Variants in SPR observed in about 807,000 individuals in gnomAD.
SPR encodes Sepiapterin reductase (L-erythro-7,8-dihydrobiopterin forming).
In SPR, 12 loss-of-function variants were observed where a neutral mutation model predicts 16.0. The observed-to-expected ratio is 0.75, with a 90% CI of 0.48 to 1.22. SPR has a LOEUF of 1.22. SPR is among the 50% of genes most tolerant of loss of function. The probability of loss-of-function intolerance (pLI) is 0.00; values close to 1 mark genes in which losing one functional copy is unlikely to be tolerated. For missense variants in SPR, 324 were observed against 344.4 expected (o/e 0.94, Z 0.47); for synonymous variants, 177 against 168.5 (o/e 1.05, Z -0.39).
At chr2:72,888,796 A>G (rs1356192278) in intron 2 of SPR, among the ~76,000 whole-genome samples, 192 bp downstream of exon 2, 1 of 152,196 alleles carries the variant, frequency 6.6e-6, no homozygotes, top group Non-Finnish European at 1.5e-5. Flanking sequence ...GGATACTGGT[A>G]GAGAGTGAGG....
rs1243583893 is a variant in SPR at position 72,888,555 on chromosome 2, G to A, written c.546G>A (p.Gln182=). 1 of 1,597,696 alleles carries A rather than the reference G, an allele frequency of 6.3e-7. No homozygotes were observed. The highest frequency in any genetic ancestry group is 8.5e-7 in the Non-Finnish European group (1 of 1,170,450). The change falls in exon 2 of 3, where the codon CAG becomes CAA. Residue 182 remains glutamine, a synonymous_variant. Transcript: ENST00000234454. ...AGGCTGCTCGTGATATGCTGTTCCAGGTCCTGGCGCTGGAGGAACCTAATG... is the reference window on the plus strand; with the variant it reads ...AGGCTGCTCGTGATATGCTGTTCCAAGTCCTGGCGCTGGAGGAACCTAATG... ...AGKAARDMLF[Q]VLALEEPNVR...
Position 72,887,671 on chromosome 2 carries a change from T to A in SPR, c.239T>A (p.Leu80His). 1 of 1,496,314 alleles carries A rather than the reference T, an allele frequency of 6.7e-7. No homozygotes were observed. Among genetic ancestry groups the A allele is most frequent in the Non-Finnish European group, 8.9e-7 (1 of 1,129,764 alleles). The allele number at this position is 1,496,314 out of a possible 1,614,324, so 92.7% of individuals were successfully genotyped here. A position where few individuals can be genotyped will look rare whatever the true frequency, so the allele number is the denominator to read the frequency against. The change falls in exon 1 of 3, where the codon CTC becomes CAC. Residue 80 changes from leucine to histidine, a missense_variant. Coordinates refer to ENST00000234454, the MANE Select transcript of SPR (RefSeq NM_003124.5). ...LGAEAGLQQL[L>H]GALRELPRPK... ...GCCGAGGCCGGCTTGCAGCAGCTGCTCGGCGCCCTGCGCGAGCTCCCCCGG... is the reference window on the plus strand; with the variant it reads ...GCCGAGGCCGGCTTGCAGCAGCTGCACGGCGCCCTGCGCGAGCTCCCCCGG...
In SPR at chr2:72,892,096, G is replaced by A; in HGVS notation, c.*559G>A. The A allele has an allele frequency of 6.0e-6, 1 of 167,796 alleles. No individual in the cohort carries two copies. The highest frequency in any genetic ancestry group is 1.3e-5 in the Non-Finnish European group (1 of 76,000). 10.4% of individuals were successfully genotyped at this position (167,796 alleles called of 1,614,324 possible). ...CACCCCTCCCCCAGGCTGGGAGAAGGGGCTCCTGGGTGTCTGTATACACGC... is the reference window on the plus strand; with the variant it reads ...CACCCCTCCCCCAGGCTGGGAGAAGAGGCTCCTGGGTGTCTGTATACACGC... On this transcript the variant is annotated 3_prime_UTR_variant, in exon 3 of 3. Transcript: ENST00000234454.
chr2:72,889,452 C>T (rs560232970), intron 2 of SPR, among the ~76,000 whole-genome samples: 4 of 152,256 alleles, frequency 2.6e-5, no homozygotes, highest in South Asian at 4.1e-4. Context: ...GGGTCAGGCT[C>T]CCAGGGCAGA....
chr2:72,891,776 G>C lies in SPR; in HGVS notation c.*239G>C, dbSNP rs1670625717. On this transcript the variant is annotated 3_prime_UTR_variant, in exon 3 of 3. Transcript: ENST00000234454. ...AAGGAGGCTTAGGAGAGAGGTTATG[G>C]GTATTGGTGTCTCTATCCCCAGGAA... is the stretch of plus-strand genomic sequence containing the variant. The C allele has an allele frequency of 1.7e-6, 1 of 574,874 alleles. No homozygotes were observed. Among genetic ancestry groups the C allele is most frequent in the African/African-American group, 1.9e-5 (1 of 53,542 alleles). The allele number at this position is 574,874 out of a possible 1,614,324, so 35.6% of individuals were successfully genotyped here. A position where few individuals can be genotyped will look rare whatever the true frequency, so the allele number is the denominator to read the frequency against.
Position 72,888,635 on chromosome 2 carries a change from C to T in SPR, c.595+31C>T, listed in dbSNP as rs1344619394. 7 of 1,569,758 alleles carry T rather than the reference C, an allele frequency of 4.5e-6. No individual in the cohort carries two copies. In the Admixed American group the frequency reaches 5.4e-5, roughly 12 times the overall value. On this transcript the variant is annotated intron_variant, in intron 2 of 2. Coordinates refer to ENST00000234454, the MANE Select transcript of SPR (RefSeq NM_003124.5). Reference sequence around the variant, plus strand: ...TGGGAAGTCCTGCCGTCCCTGTCCTCCAGAACCCACTGGTGCGCCTCTGGG... The same window carrying T: ...TGGGAAGTCCTGCCGTCCCTGTCCTTCAGAACCCACTGGTGCGCCTCTGGG...
At chr2:72,889,508 C>A (rs2105241847) in intron 2 of SPR, among the ~76,000 whole-genome samples, 1 of 152,270 alleles carries the variant, frequency 6.6e-6, no homozygotes, top group South Asian at 2.1e-4. Context: ...AGGGCTGGAT[C>A]CCACCTTGCT....
At chr2:72,889,680 C>T (rs1670591514) in intron 2 of SPR, among the ~76,000 whole-genome samples, 1 of 152,162 alleles carries the variant, frequency 6.6e-6, no homozygotes, top group South Asian at 2.1e-4. Context: ...AAGCTACAAC[C>T]AGGAGCAGAG....
intron 1 of SPR, 95 bp downstream of exon 1, chr2:72,887,831 C>T (rs1670564364): frequency 4.7e-6 from 6 of 1,276,796 alleles, no homozygotes; most frequent in Non-Finnish European, 6.2e-6. Flanking sequence ...TCAGATAGGA[C>T]GCCTAGAAAT....
Position 72,888,465 on chromosome 2 carries a change from G to T in SPR, c.456G>T (p.Val152=). ...ACAGTCCTGGCCTCAACAGAACCGT[G>T]GTTAACATCTCGTCCCTCTGTGCCC... ...FPDSPGLNRT[V]VNISSLCALQ... The change falls in exon 2 of 3, where the codon GTG becomes GTT. Residue 152 remains valine, a synonymous_variant. Transcript: ENST00000234454. The T allele has an allele frequency of 6.2e-7, 1 of 1,614,026 alleles. No homozygotes were observed.
In SPR at chr2:72,887,637, G is replaced by C; in HGVS notation, c.205G>C (p.Asp69His). The change falls in exon 1 of 3, where the codon GAC becomes CAC. Residue 69 changes from aspartate (D) to histidine (H), a missense_variant. By Grantham distance (81) the Asp-to-His change is moderately conservative. Coordinates refer to ENST00000234454, the MANE Select transcript of SPR (RefSeq NM_003124.5). ...CCTGCGCGTGGTGCGGGTGCCCGCC[G>C]ACCTGGGCGCCGAGGCCGGCTTGCA... The part of the protein sequence containing the change: ...SGLRVVRVPA[D>H]LGAEAGLQQL... The C allele has an allele frequency of 2.1e-6, 3 of 1,454,744 alleles. No homozygotes were observed. Among genetic ancestry groups the C allele is most frequent in the Non-Finnish European group, 2.7e-6 (3 of 1,111,926 alleles). 90.1% of individuals were successfully genotyped at this position (1,454,744 alleles called of 1,614,324 possible). A position where few individuals can be genotyped will look rare whatever the true frequency, so the allele number is the denominator to read the frequency against.
chr2:72,890,202 C>A lies in SPR; in HGVS notation c.596-1145C>A, dbSNP rs1164853556. Among the ~76,000 whole-genome samples the A allele has an allele frequency of 3.9e-5, 6 of 152,184 alleles. 1 individual carries two copies. Among genetic ancestry groups the A allele is most frequent in the Admixed American group, 3.9e-4 (6 of 15,280 alleles). Reference sequence around the variant, plus strand: ...GTGCGAAGGCTCACTGTGGGCGTGGCAGGTCTTCAGTTTGCCTGTAGAGTA... The same window carrying A: ...GTGCGAAGGCTCACTGTGGGCGTGGAAGGTCTTCAGTTTGCCTGTAGAGTA... On this transcript the variant is annotated intron_variant, in intron 2 of 2. Transcript: ENST00000234454.
chr2:72,891,921 A>G lies in SPR; in HGVS notation c.*384A>G. 1 of 279,636 alleles carries G rather than the reference A, an allele frequency of 3.6e-6. No homozygotes were observed. Among genetic ancestry groups the G allele is most frequent in the Non-Finnish European group, 7.0e-6 (1 of 142,184 alleles). The allele number at this position is 279,636 out of a possible 1,614,324, so 17.3% of individuals were successfully genotyped here. On this transcript the variant is annotated 3_prime_UTR_variant, in exon 3 of 3. Coordinates refer to ENST00000234454, the MANE Select transcript of SPR (RefSeq NM_003124.5). ...AAAGAGTGATCTGGTGTCGAATAGG[A>G]GGACCCATGTAGATTCGCAGATGGC...
chr2:72,888,640 A>G, intron 2 of SPR, 36 bp downstream of exon 2: 1 of 1,563,168 alleles, frequency 6.4e-7, no homozygotes. Context: ...GTCCTCCAGA[A>G]CCCACTGGTG....
At position 72,891,669 on chromosome 2, in the gene SPR, C is replaced by G; in HGVS notation, c.*132C>G. 2 of 1,066,078 alleles carry G rather than the reference C, an allele frequency of 1.9e-6. No individual in the cohort carries two copies. The highest frequency in any genetic ancestry group is 2.8e-6 in the Non-Finnish European group (2 of 718,494). The allele number at this position is 1,066,078 out of a possible 1,614,324, so 66.0% of individuals were successfully genotyped here. A position where few individuals can be genotyped will look rare whatever the true frequency, so the allele number is the denominator to read the frequency against. Reference sequence around the variant, plus strand: ...AGAAGCATTCATGCCTGCTGCCCTGCCCTCAGGCACAGCCAGCTGTGAGCT... The same window carrying G: ...AGAAGCATTCATGCCTGCTGCCCTGGCCTCAGGCACAGCCAGCTGTGAGCT... On this transcript the variant is annotated 3_prime_UTR_variant, in exon 3 of 3. Transcript: ENST00000234454.
chr2:72,888,524 C>A lies in SPR; in HGVS notation c.515C>A (p.Ala172Glu). 6.2e-7 allele frequency: 1 copy of A among 1,606,758 alleles called. No homozygotes were observed. Among genetic ancestry groups the A allele is most frequent in the South Asian group, 1.1e-5 (1 of 90,040 alleles). ...TTCAAAGGCTGGGCGCTGTACTGTG[C>A]AGGAAAGGCTGCTCGTGATATGCTG... ...QPFKGWALYC[A>E]GKAARDMLFQ... Residue 172 changes from alanine to glutamate, a missense_variant, in exon 2 of 3, where the codon GCA becomes GAA. Physicochemically the swap from Ala to Glu is moderately radical, Grantham distance 107. Transcript: ENST00000234454.
Position 72,887,648 on chromosome 2 carries a change from C to G in SPR, c.216C>G (p.Ala72=). The G allele has an allele frequency of 1.4e-6, 2 of 1,469,788 alleles. No homozygotes were observed. Among genetic ancestry groups the G allele is most frequent in the Non-Finnish European group, 1.8e-6 (2 of 1,118,350 alleles). 91.0% of individuals were successfully genotyped at this position (1,469,788 alleles called of 1,614,324 possible). A position where few individuals can be genotyped will look rare whatever the true frequency, so the allele number is the denominator to read the frequency against. ...TGCGGGTGCCCGCCGACCTGGGCGCCGAGGCCGGCTTGCAGCAGCTGCTCG... is the reference window on the plus strand; with the variant it reads ...TGCGGGTGCCCGCCGACCTGGGCGCGGAGGCCGGCTTGCAGCAGCTGCTCG... The part of the protein sequence containing the change: ...RVVRVPADLG[A]EAGLQQLLGA... The change falls in exon 1 of 3, where the codon GCC becomes GCG. Residue 72 remains alanine (A), a synonymous_variant. Transcript: ENST00000234454.
rs1670630049 is a variant in SPR at position 72,892,021 on chromosome 2, C to T, written c.*484C>T. 5.7e-6 allele frequency: 1 copy of T among 174,866 alleles called. No individual in the cohort carries two copies. The highest frequency in any genetic ancestry group is 1.2e-5 in the Non-Finnish European group (1 of 80,034). The allele number at this position is 174,866 out of a possible 1,614,324, so 10.8% of individuals were successfully genotyped here. A position where few individuals can be genotyped will look rare whatever the true frequency, so the allele number is the denominator to read the frequency against. On this transcript the variant is annotated 3_prime_UTR_variant, in exon 3 of 3. Coordinates refer to ENST00000234454, the MANE Select transcript of SPR (RefSeq NM_003124.5). Reference sequence around the variant, plus strand: ...CCCTTGCTGAGGGTAGCAGGACCTTCTGTTGAACTTTGTGTCCTCACTCTG... The same window carrying T: ...CCCTTGCTGAGGGTAGCAGGACCTTTTGTTGAACTTTGTGTCCTCACTCTG...
Position 72,887,592 on chromosome 2 carries a change from C to A in SPR, c.160C>A (p.Leu54Met). 7.1e-7 allele frequency: 1 copy of A among 1,404,210 alleles called. No individual in the cohort carries two copies. The highest frequency in any genetic ancestry group is 9.2e-7 in the Non-Finnish European group (1 of 1,089,164). The allele number at this position is 1,404,210 out of a possible 1,614,324, so 87.0% of individuals were successfully genotyped here. The stretch of plus-strand genomic sequence containing the variant: ...GGCACTGCGCCAGCTGGAGGCCGAG[C>A]TGGGCGCCGAGCGGTCTGGCCTGCG... ...DEALRQLEAELGAERSGLRVV... is the reference protein window; with the variant it reads ...DEALRQLEAEMGAERSGLRVV... The change falls in exon 1 of 3, where the codon CTG (leucine) becomes ATG (methionine). Residue 54 changes from leucine to methionine, a missense_variant. By Grantham distance (15) the Leu-to-Met change is conservative. Transcript: ENST00000234454.
Sources: allele counts gnomAD v4.1 joint callset (sites outside exome capture counted in the v4.1 genomes callset), GRCh38; gene constraint gnomAD v4.1.1; transcripts MANE v1.5; gene names NCBI Gene and HGNC (gene_info 2026-07-23, HGNC 2026-07-21).